Variants in CELF2 observed in about 807,000 individuals in gnomAD.
CELF2 encodes the protein CUGBP Elav-like family member 2, also known as CUG triplet repeat RNA-binding protein 2.
In CELF2, 8 loss-of-function variants were observed where a neutral mutation model predicts 62.6. That is an observed-to-expected ratio of 0.13 (90% CI 0.07 to 0.23). The LOEUF is 0.23. Among genes scored for constraint, CELF2 ranks in the 10% least tolerant of loss-of-function variants. The pLI is 1.00. For synonymous variants in CELF2, 258 were observed against 250.0 expected, an observed-to-expected ratio of 1.03 and a Z score of -0.30; for missense variants, 333 against 671.0, an observed-to-expected ratio of 0.50 and a Z score of 5.56.
chr10:10,723,499 C>T, the CELF2 span, among the ~76,000 whole-genome samples: 1 of 152,184 alleles, frequency 6.6e-6, no homozygotes, highest in African/African-American at 2.4e-5. Flanking sequence ...TTGAGAGGTT[C>T]TTCCAGAAAT....
At chr10:10,821,444 G>A (rs1379336136) in intron 1 of CELF2, among the ~76,000 whole-genome samples, 4 of 152,158 alleles carry the variant, frequency 2.6e-5, no homozygotes, top group African/African-American at 9.7e-5. Flanking sequence ...GCCTCTCCCT[G>A]CCATGTGTAT....
the CELF2 span, among the ~76,000 whole-genome samples, chr10:10,686,223 C>T: frequency 7.0e-6 from 1 of 143,070 alleles, no homozygotes; most frequent in East Asian, 2.1e-4. Flanking sequence ...GAAGTTATTA[C>T]CTTGGAAGTA....
chr10:11,298,012 A>G (rs1474093597), intron 9 of CELF2, among the ~76,000 whole-genome samples: 1 of 152,248 alleles, frequency 6.6e-6, no homozygotes, highest in East Asian at 1.9e-4. Context: ...AAAATCTGTA[A>G]AAGTACTGGG....
intron 1 of CELF2, among the ~76,000 whole-genome samples, chr10:11,153,852 C>G (rs2063799073): frequency 6.6e-6 from 1 of 152,148 alleles, no homozygotes; most frequent in African/African-American, 2.4e-5. Flanking sequence ...AGTTTTTTCC[C>G]CTTGGTATCG....
At chr10:11,100,190 C>T (rs953523672) in intron 1 of CELF2, among the ~76,000 whole-genome samples, 4 of 151,370 alleles carry the variant, frequency 2.6e-5, no homozygotes, top group African/African-American at 9.7e-5. Context: ...GGTGACAGAG[C>T]GAGACTCTGT....
At chr10:11,070,062 G>A (rs548893251) in intron 1 of CELF2, among the ~76,000 whole-genome samples, 4 of 152,316 alleles carry the variant, frequency 2.6e-5, no homozygotes, top group African/African-American at 9.6e-5. Context: ...TATCACTAAT[G>A]TTTCCAATAA....
the CELF2 span, among the ~76,000 whole-genome samples, chr10:10,717,173 G>A: frequency 1.3e-5 from 2 of 152,110 alleles, no homozygotes; most frequent in African/African-American, 4.8e-5. Context: ...GATACAAATG[G>A]TGATTTTATG....
intron 2 of CELF2, among the ~76,000 whole-genome samples, chr10:10,959,924 G>A (rs2049304721): frequency 2.0e-5 from 3 of 152,208 alleles, no homozygotes; most frequent in Admixed American, 2.0e-4. Flanking sequence ...CTGCCACCTT[G>A]TGTGACCAAA....
chr10:11,322,450 T>G (rs1232228772), intron 11 of CELF2, among the ~76,000 whole-genome samples: 1 of 152,238 alleles, frequency 6.6e-6, no homozygotes, highest in Non-Finnish European at 1.5e-5. Context: ...GAAGCTCCTT[T>G]AGAGCAAAAT....
intron 1 of CELF2, among the ~76,000 whole-genome samples, chr10:11,106,957 C>T (rs953024048): frequency 2.0e-5 from 3 of 152,246 alleles, no homozygotes; most frequent in African/African-American, 4.8e-5. Flanking sequence ...TCCAGTGCTT[C>T]CCTTCCCTGC....
chr10:11,173,840 A>G (rs1432147837), intron 2 of CELF2, among the ~76,000 whole-genome samples: 1 of 152,260 alleles, frequency 6.6e-6, no homozygotes, highest in African/African-American at 2.4e-5. Context: ...AGGGCTGGAA[A>G]GATAATTGAC....
the CELF2 span, among the ~76,000 whole-genome samples, chr10:10,473,638 C>T: frequency 5.3e-5 from 8 of 152,066 alleles, no homozygotes; most frequent in South Asian, 1.7e-3. Context: ...GTTGTTCTTG[C>T]TATTTTCGTT....
In CELF2 at chr10:10,869,614, T is replaced by C. The variant is rs374055614; in HGVS notation, c.54-50350T>C. Among the ~76,000 whole-genome samples the C allele has an allele frequency of 1.2e-4, 18 of 152,158 alleles. No individual in the cohort carries two copies. The East Asian group carries it at 1.4e-3, about 11-fold the overall frequency. ...AATGTCCTGCATATATATTTTAGGA[T>C]AGGATTTCTGCTCTGTCCCAACAAC... On this transcript the variant is annotated intron_variant, in intron 1 of 13. Coordinates refer to the CELF2 transcript ENST00000636488.
chr10:11,176,016 G>A (rs779454161), intron 2 of CELF2, among the ~76,000 whole-genome samples: 8 of 152,166 alleles, frequency 5.3e-5, no homozygotes, highest in South Asian at 2.1e-4. Flanking sequence ...GTTCTTGTGC[G>A]CGTGTGTTTT....
intron 9 of CELF2, among the ~76,000 whole-genome samples, chr10:11,303,395 A>G (rs990654481): frequency 1.3e-5 from 2 of 152,184 alleles, no homozygotes; most frequent in African/African-American, 4.8e-5. Context: ...TCATCCATCC[A>G]GTCGCCACTC....
At chr10:11,140,302 G>A (rs1020301979) in intron 1 of CELF2, among the ~76,000 whole-genome samples, 1 of 152,100 alleles carries the variant, frequency 6.6e-6, no homozygotes. Flanking sequence ...GTGCAGTAGC[G>A]CAATCATAGC....
At chr10:11,275,536 C>T (rs1172004944) in intron 8 of CELF2, among the ~76,000 whole-genome samples, 1 of 152,110 alleles carries the variant, frequency 6.6e-6, no homozygotes, top group African/African-American at 2.4e-5. Context: ...ATGTTCTGAC[C>T]TCCGTAATGA....
chr10:10,656,127 T>C, the CELF2 span, among the ~76,000 whole-genome samples: 4 of 144,252 alleles, frequency 2.8e-5, no homozygotes, highest in East Asian at 4.0e-4. Context: ...AAAATGCTCA[T>C]CATCACTGGC....
At chr10:11,153,761 G>T (rs149027214) in intron 1 of CELF2, among the ~76,000 whole-genome samples, 5 of 152,364 alleles carry the variant, frequency 3.3e-5, no homozygotes, top group African/African-American at 1.2e-4. Context: ...ACTGTGAAAT[G>T]TTGATCAGTC....
Sources: allele counts gnomAD v4.1 joint callset (sites outside exome capture counted in the v4.1 genomes callset), GRCh38; gene constraint gnomAD v4.1.1; transcripts MANE v1.5; gene names NCBI Gene and HGNC (gene_info 2026-07-23, HGNC 2026-07-21).